The following ATP2C2 variants were observed in gnomAD, a reference collection of about 807,000 sequenced individuals.
The protein encoded by ATP2C2 is ATPase secretory pathway Ca2+ transporting 2, also known as calcium-transporting ATPase type 2C member 2.
Under a neutral mutation model 110.8 loss-of-function variants are expected in ATP2C2, and 171 were observed. The observed-to-expected ratio is 1.54, with a 90% CI of 1.36 to 1.75. The LOEUF is 1.75. Ranked by LOEUF, ATP2C2 falls within the 40% of genes most tolerant of loss-of-function variation. The probability of loss-of-function intolerance (pLI) is 0.00; values close to 1 mark genes in which losing one functional copy is unlikely to be tolerated. For synonymous variants in ATP2C2, 804 were observed against 508.4 expected (o/e 1.58, Z -7.82); for missense variants, 1,963 against 1,235.0 (o/e 1.59, Z -8.84).
chr16:84,373,279 C>T (rs538071524), intron 1 of ATP2C2, among the ~76,000 whole-genome samples: 1 of 152,296 alleles, frequency 6.6e-6, no homozygotes, highest in African/African-American at 2.4e-5. Flanking sequence ...GCAGGCGGAT[C>T]ACCTGAGGTT....
At chr16:84,437,387 T>A (rs2564096) in intron 11 of ATP2C2, among the ~76,000 whole-genome samples, 126,595 of 151,150 alleles carry the variant, frequency 0.84, 52,864 homozygotes, top group East Asian at 0.95. Context: ...TATATATAAT[T>A]TTTTTTTTTG....
intron 6 of ATP2C2, among the ~76,000 whole-genome samples, chr16:84,413,074 T>G (rs921383819): frequency 1.7e-4 from 25 of 145,618 alleles, no homozygotes; most frequent in Admixed American, 1.6e-3. Flanking sequence ...CTCCAGCCTG[T>G]GCGATAAGAG....
At chr16:84,396,082 T>A (rs1904955273) in intron 1 of ATP2C2, among the ~76,000 whole-genome samples, 1 of 152,114 alleles carries the variant, frequency 6.6e-6, no homozygotes, top group East Asian at 1.9e-4. Context: ...TCCTTTCGGG[T>A]CTGGCTTATT....
In ATP2C2 at chr16:84,398,562, A is replaced by T. The variant is rs1905129954; in HGVS notation, c.163A>T (p.Lys55Ter). ...GAAGAAGGTGACAGCCCTGCCCCCC[A>T]AGGAAGCGTGCAAATGCCAGAAAGA... The part of the protein sequence containing the change: ...KEKKVTALPP[K>*]EACKCQKEDL... The change falls in exon 2 of 27, where the codon AAG becomes TAG. Residue 55 changes from lysine to a stop codon, truncating the protein, a stop_gained. Transcript: ENST00000262429. LOFTEE classifies it high-confidence loss of function. The T allele has an allele frequency of 6.2e-7, 1 of 1,613,470 alleles. No individual in the cohort carries two copies. The highest frequency in any genetic ancestry group is 1.7e-5 in the Admixed American group (1 of 59,886).
At chr16:84,394,002 C>CAAAAAAAAAAA (rs202138049) in intron 1 of ATP2C2, among the ~76,000 whole-genome samples, 1 of 117,456 alleles carries the variant, frequency 8.5e-6, no homozygotes, top group Non-Finnish European at 1.8e-5. Flanking sequence ...TTAAAAATAC[C>CAAAAAAAAAAA]AAAAAAAATA....
At chr16:84,415,735 G>C in intron 7 of ATP2C2, 144 bp downstream of exon 7, 1 of 646,984 alleles carries the variant, frequency 1.5e-6, no homozygotes, top group East Asian at 2.8e-5. Flanking sequence ...AAGACAGGAA[G>C]TTAGCAGACA....
intron 2 of ATP2C2, among the ~76,000 whole-genome samples, chr16:84,404,058 A>G (rs74736894): frequency 0.054 from 8,257 of 152,314 alleles, 302 homozygotes; most frequent in East Asian, 0.096. Context: ...GAAGGGGCGC[A>G]GGGCTTCCAT....
At chr16:84,450,252 G>A (rs916041968) in intron 17 of ATP2C2, among the ~76,000 whole-genome samples, 8 of 152,198 alleles carry the variant, frequency 5.3e-5, no homozygotes, top group African/African-American at 1.2e-4. Context: ...AGGCCTGTGC[G>A]TTTTTCCAAT....
intron 8 of ATP2C2, 41 bp from the exon 9 acceptor site, chr16:84,422,588 C>T (rs1233472518): frequency 6.2e-7 from 1 of 1,611,332 alleles, no homozygotes. Flanking sequence ...CCACAGGCTC[C>T]CAGCCCTTAG....
chr16:84,400,482 A>G (rs1301212190), intron 2 of ATP2C2, among the ~76,000 whole-genome samples: 1 of 151,968 alleles, frequency 6.6e-6, no homozygotes, highest in Admixed American at 6.6e-5. Context: ...GCCTGCCACC[A>G]TGCCTGGCTA....
At chr16:84,403,153 T>C (rs1345314465) in intron 2 of ATP2C2, among the ~76,000 whole-genome samples, 1 of 152,198 alleles carries the variant, frequency 6.6e-6, no homozygotes, top group East Asian at 1.9e-4. Flanking sequence ...TCTGTTTGTA[T>C]TTATTTGGTT....
intron 2 of ATP2C2, among the ~76,000 whole-genome samples, chr16:84,402,316 T>C (rs111403012): frequency 7.1e-4 from 108 of 152,360 alleles, no homozygotes; most frequent in Middle Eastern, 3.4e-3. Flanking sequence ...CTTTATTTTT[T>C]ACTCTTGTCT....
intron 17 of ATP2C2, among the ~76,000 whole-genome samples, chr16:84,449,946 G>A (rs983297879): frequency 1.3e-5 from 2 of 152,242 alleles, no homozygotes; most frequent in Non-Finnish European, 2.9e-5. Flanking sequence ...TTAAGTGCCT[G>A]TGTGAGGCCA....
intron 16 of ATP2C2, among the ~76,000 whole-genome samples, chr16:84,447,506 A>C (rs895579944): frequency 4.6e-5 from 7 of 151,996 alleles, no homozygotes; most frequent in African/African-American, 1.7e-4. Context: ...TGCAAACGAC[A>C]ACATCTGGAT....
In ATP2C2 at chr16:84,414,938, G is replaced by A. The variant is rs184973073; in HGVS notation, c.516-545G>A. Reference sequence around the variant, plus strand: ...TATGCAGGATGGGTTGAAGGGGCCAGGTCGGAGGTCAGAGTCAGCTGGGAC... The same window carrying A: ...TATGCAGGATGGGTTGAAGGGGCCAAGTCGGAGGTCAGAGTCAGCTGGGAC... On this transcript the variant is annotated intron_variant, in intron 6 of 26. Transcript: ENST00000262429. 3.1e-4 allele frequency among the ~76,000 whole-genome samples: 47 copies of A among 152,268 alleles called. No homozygotes were observed. In the East Asian group the frequency reaches 5.4e-3, roughly 18 times the overall value.
chr16:84,444,458 G>C (rs924128387), intron 15 of ATP2C2, among the ~76,000 whole-genome samples: 1 of 152,194 alleles, frequency 6.6e-6, no homozygotes, highest in Non-Finnish European at 1.5e-5. Context: ...GGGTGACAGA[G>C]CAAGACTCCG....
intron 2 of ATP2C2, among the ~76,000 whole-genome samples, chr16:84,403,300 C>T (rs1905462690): frequency 6.6e-6 from 1 of 151,900 alleles, no homozygotes; most frequent in African/African-American, 2.4e-5. Context: ...TAAAATTTAC[C>T]ATCTTAACCT....
At chr16:84,415,907 A>G (rs1033726309) in intron 7 of ATP2C2, among the ~76,000 whole-genome samples, 2 of 152,200 alleles carry the variant, frequency 1.3e-5, no homozygotes, top group African/African-American at 4.8e-5. Flanking sequence ...GTTGCCTCTC[A>G]AAACAGACAC....
intron 4 of ATP2C2, among the ~76,000 whole-genome samples, chr16:84,409,648 AC>A (rs1906095328): frequency 6.6e-6 from 1 of 151,764 alleles, no homozygotes; most frequent in African/African-American, 2.4e-5. Context: ...GCCCGCCACC[AC>A]TCCTGGTTAA....
Sources: allele counts gnomAD v4.1 joint callset (sites outside exome capture counted in the v4.1 genomes callset), GRCh38; gene constraint gnomAD v4.1.1; transcripts MANE v1.5; gene names NCBI Gene and HGNC (gene_info 2026-07-23, HGNC 2026-07-21).